NUDT3: variants seen among roughly 807,000 people sequenced by gnomAD.
NUDT3 encodes the protein diphosphoinositol polyphosphate phosphohydrolase 1.
Under a neutral mutation model 23.6 loss-of-function variants are expected in NUDT3, and 9 were observed. The ratio of observed to expected loss-of-function variants is 0.38; its 90% CI spans 0.23 to 0.66. NUDT3 has a LOEUF of 0.66. NUDT3 is among the 30% of genes least tolerant of loss of function. NUDT3 has a pLI of 0.52. For synonymous variants in NUDT3, 86 were observed against 82.6 expected (o/e 1.04, Z -0.22); for missense variants, 172 against 218.5 (o/e 0.79, Z 1.34).
At chr6:34,290,404 T>TC (rs1763403031) in intron 4 of NUDT3, among the ~76,000 whole-genome samples, 1 of 120,772 alleles carries the variant, frequency 8.3e-6, no homozygotes, top group Non-Finnish European at 1.9e-5. Context: ...GCTGCTTCTT[T>TC]TTTTTTTTTT....
At chr6:34,322,535 C>T (rs1218211295) in intron 2 of NUDT3, among the ~76,000 whole-genome samples, 1 of 152,016 alleles carries the variant, frequency 6.6e-6, no homozygotes, top group Non-Finnish European at 1.5e-5. Flanking sequence ...GGTCACTGGA[C>T]TCTTATAAAA....
At chr6:34,376,167 A>G (rs1764919266) in intron 1 of NUDT3, among the ~76,000 whole-genome samples, 1 of 152,054 alleles carries the variant, frequency 6.6e-6, no homozygotes, top group African/African-American at 2.4e-5. Flanking sequence ...TCCGAAACCA[A>G]CCTCTCTTCT....
intron 4 of NUDT3, among the ~76,000 whole-genome samples, chr6:34,292,556 T>C (rs1763439649): frequency 6.6e-6 from 1 of 152,046 alleles, no homozygotes; most frequent in South Asian, 2.1e-4. Context: ...ACACAGCACC[T>C]TTTGTAAAAG....
intron 2 of NUDT3, among the ~76,000 whole-genome samples, chr6:34,335,726 AG>A (rs1561910656): frequency 1.3e-5 from 2 of 150,812 alleles, no homozygotes; most frequent in Admixed American, 6.6e-5. Flanking sequence ...AAAAAAAAAA[AG>A]TGTTTTTTTC....
chr6:34,365,197 A>T (rs1764708227), intron 1 of NUDT3, among the ~76,000 whole-genome samples: 1 of 152,266 alleles, frequency 6.6e-6, no homozygotes, highest in South Asian at 2.1e-4. Flanking sequence ...TGGGAGGCCA[A>T]GGCGGGTGGA....
At position 34,288,417 on chromosome 6, in the gene NUDT3, C is replaced by T. The variant is rs1425792095; in HGVS notation, c.*336G>A. ...ATCAAAGAAAACGTCTGGCCAGGGC[C>T]AGGATAAGACAAACAGGAACACTTC... On this transcript the variant is annotated 3_prime_UTR_variant, in exon 5 of 5. Transcript: ENST00000607016. 4.6e-6 allele frequency: 1 copy of T among 218,096 alleles called. No individual in the cohort carries two copies. Among genetic ancestry groups the T allele is most frequent in the Non-Finnish European group, 8.9e-6 (1 of 112,120 alleles). The allele number at this position is 218,096 out of a possible 1,614,324, so 13.5% of individuals were successfully genotyped here.
intron 2 of NUDT3, among the ~76,000 whole-genome samples, chr6:34,338,603 A>C (rs928751464): frequency 6.6e-6 from 1 of 152,220 alleles, no homozygotes; most frequent in Non-Finnish European, 1.5e-5. Flanking sequence ...TTCAATCAGT[A>C]AACAGCTATG....
intron 2 of NUDT3, among the ~76,000 whole-genome samples, chr6:34,328,825 A>T (rs1764082290): frequency 6.6e-6 from 1 of 152,228 alleles, no homozygotes; most frequent in South Asian, 2.1e-4. Flanking sequence ...TATTATTCAT[A>T]AAGTTTTGCT....
At chr6:34,391,942 A>C (rs1765208515) in intron 1 of NUDT3, among the ~76,000 whole-genome samples, 1 of 152,104 alleles carries the variant, frequency 6.6e-6, no homozygotes, top group Admixed American at 6.5e-5. Context: ...CTGGACCGAA[A>C]GCCGCACTCT....
chr6:34,325,100 T>C (rs1764004169), intron 2 of NUDT3, among the ~76,000 whole-genome samples: 1 of 152,220 alleles, frequency 6.6e-6, no homozygotes, highest in Admixed American at 6.5e-5. Context: ...ACCGATTTAC[T>C]TAAGGGCCTG....
At position 34,329,082 on chromosome 6, in the gene NUDT3, C is replaced by T. The variant is rs574016203; in HGVS notation, c.210+12780G>A. Among the ~76,000 whole-genome samples, 13 of 152,242 alleles carry T rather than the reference C, an allele frequency of 8.5e-5. No homozygotes were observed. In the South Asian group the frequency reaches 2.7e-3, roughly 32 times the overall value. ...ATATCTTAAATTACTCCCAAGTAGT[C>T]ACAGATTTTTTAAGTGTTCTACTCT... On this transcript the variant is annotated intron_variant, in intron 2 of 4. Coordinates refer to ENST00000607016, the MANE Select transcript of NUDT3 (RefSeq NM_006703.4).
At chr6:34,363,255 G>A (rs1764676643) in intron 1 of NUDT3, among the ~76,000 whole-genome samples, 1 of 152,082 alleles carries the variant, frequency 6.6e-6, no homozygotes, top group Admixed American at 6.6e-5. Context: ...CAGAGCTTGG[G>A]GGTCCTCCAG....
intron 2 of NUDT3, among the ~76,000 whole-genome samples, chr6:34,318,181 T>C (rs983618512): frequency 6.6e-6 from 1 of 152,168 alleles, no homozygotes; most frequent in Non-Finnish European, 1.5e-5. Flanking sequence ...CTCAAATATA[T>C]CCCTTTAGAA....
At chr6:34,314,319 G>A (rs1021693741) in intron 2 of NUDT3, among the ~76,000 whole-genome samples, 1 of 151,206 alleles carries the variant, frequency 6.6e-6, no homozygotes, top group Admixed American at 6.6e-5. Flanking sequence ...TTGGAAGGCC[G>A]AGGTGGGTGG....
chr6:34,343,409 C>G (rs1162863714), intron 1 of NUDT3, among the ~76,000 whole-genome samples: 1 of 150,458 alleles, frequency 6.6e-6, no homozygotes, highest in Non-Finnish European at 1.5e-5. Context: ...AAAAAATTAG[C>G]CAGGCTTAGT....
intron 2 of NUDT3, among the ~76,000 whole-genome samples, chr6:34,336,050 C>A (rs989906570): frequency 2.0e-5 from 3 of 151,970 alleles, no homozygotes; most frequent in Non-Finnish European, 4.4e-5. Context: ...GGGTGGACTG[C>A]CTAAGGTCAG....
At chr6:34,290,243 CTCTT>C (rs1487110195) in intron 4 of NUDT3, among the ~76,000 whole-genome samples, 8 of 149,436 alleles carry the variant, frequency 5.4e-5, no homozygotes, top group South Asian at 4.2e-4. Flanking sequence ...TTTTCTTTCT[CTCTT>C]TTTTTTTTTT....
intron 1 of NUDT3, among the ~76,000 whole-genome samples, chr6:34,365,030 T>C (rs1227261726): frequency 1.3e-5 from 2 of 151,404 alleles, no homozygotes; most frequent in Non-Finnish European, 2.9e-5. Context: ...CAAAAATAAA[T>C]AAATAAATAA....
intron 2 of NUDT3, among the ~76,000 whole-genome samples, chr6:34,337,931 C>T (rs1229138458): frequency 6.6e-6 from 1 of 152,208 alleles, no homozygotes; most frequent in East Asian, 1.9e-4. Context: ...TTGCCTTAAG[C>T]ACCTTAGAAC....
Sources: gnomAD v4.1 joint callset for allele counts (sites outside exome capture counted in the v4.1 genomes callset) on GRCh38, gnomAD v4.1.1 for gene constraint, MANE v1.5 for transcripts, NCBI Gene and HGNC (gene_info 2026-07-23, HGNC 2026-07-21) for gene names.